The following SGCZ variants were observed in gnomAD, a reference collection of about 807,000 sequenced individuals.
The protein encoded by SGCZ is zeta-sarcoglycan.
A neutral mutation model predicts 41.3 loss-of-function variants in SGCZ; 40 were observed. The ratio of observed to expected loss-of-function variants is 0.97; its 90% CI spans 0.75 to 1.26. The LOEUF (loss-of-function observed/expected upper bound fraction) is 1.26. Ranked by LOEUF, SGCZ falls within the 50% of genes most tolerant of loss-of-function variation. SGCZ has a pLI of 0.00. For missense variants in SGCZ, 552 were observed against 369.8 expected (o/e 1.49, Z -4.04); for synonymous variants, 206 against 137.5 (o/e 1.50, Z -3.49).
intron 1 of SGCZ, among the ~76,000 whole-genome samples, chr8:14,609,294 G>A (rs559569318): frequency 2.5e-4 from 38 of 151,720 alleles, no homozygotes; most frequent in South Asian, 8.3e-4. Flanking sequence ...ATTATATAAC[G>A]TCAATGCTGG....
intron 2 of SGCZ, among the ~76,000 whole-genome samples, chr8:14,335,585 T>TA (rs1484286348): frequency 1.3e-5 from 2 of 152,150 alleles, no homozygotes; most frequent in Non-Finnish European, 2.9e-5. Flanking sequence ...CAGACAGACA[T>TA]ACCTTTAGCT....
chr8:14,889,369 A>G (rs1169350873), intron 1 of SGCZ, among the ~76,000 whole-genome samples: 2 of 152,318 alleles, frequency 1.3e-5, no homozygotes, highest in South Asian at 2.1e-4. Flanking sequence ...AATTGTGCTC[A>G]AGTAATATAC....
At chr8:15,186,279 AAAAAAAAAAAAAAAAAAAAAAG>A (rs1563172434) in intron 1 of SGCZ, among the ~76,000 whole-genome samples, 1 of 26,822 alleles carries the variant, frequency 3.7e-5, no homozygotes, top group African/African-American at 5.6e-5. Flanking sequence ...AAAAAAAAAA[AAAAAAAAAAAAAAAAAAAAAAG>A]TTAATTTCTC....
At chr8:14,141,817 T>C (rs1803379552) in intron 5 of SGCZ, among the ~76,000 whole-genome samples, 1 of 152,186 alleles carries the variant, frequency 6.6e-6, no homozygotes, top group South Asian at 2.1e-4. Flanking sequence ...CATTACTGGG[T>C]ATATACCCAA....
intron 1 of SGCZ, among the ~76,000 whole-genome samples, chr8:14,602,394 G>A (rs1333089116): frequency 6.6e-6 from 1 of 151,928 alleles, no homozygotes; most frequent in African/African-American, 2.4e-5. Context: ...GGAATTACTG[G>A]GGAGGTAATT....
intron 1 of SGCZ, among the ~76,000 whole-genome samples, chr8:14,998,639 G>A (rs1475727136): frequency 6.6e-6 from 1 of 152,176 alleles, no homozygotes; most frequent in African/African-American, 2.4e-5. Context: ...GCAAAAGCAA[G>A]AAGAGGAATT....
chr8:15,041,702 A>G (rs527981988), intron 1 of SGCZ, among the ~76,000 whole-genome samples: 1 of 145,650 alleles, frequency 6.9e-6, no homozygotes, highest in Admixed American at 6.8e-5. Context: ...GTGTGAATAC[A>G]CACATATACA....
intron 1 of SGCZ, among the ~76,000 whole-genome samples, chr8:14,982,698 ATATCACC>A (rs1337909925): frequency 1.3e-5 from 2 of 152,192 alleles, no homozygotes; most frequent in Non-Finnish European, 2.9e-5. Context: ...GTGGTCAAAT[ATATCACC>A]TTTTCCATTG....
At chr8:15,099,584 G>A (rs2131078867) in intron 1 of SGCZ, among the ~76,000 whole-genome samples, 1 of 152,176 alleles carries the variant, frequency 6.6e-6, no homozygotes, top group African/African-American at 2.4e-5. Flanking sequence ...TAATTGAAGA[G>A]GAGGAAACAC....
At chr8:14,101,418 A>C (rs1329748415) in intron 7 of SGCZ, among the ~76,000 whole-genome samples, 1 of 152,244 alleles carries the variant, frequency 6.6e-6, no homozygotes, top group African/African-American at 2.4e-5. Context: ...TGAAGAAATA[A>C]TGGGAATTTC....
chr8:14,982,921 G>T (rs1435125700), intron 1 of SGCZ, among the ~76,000 whole-genome samples: 1 of 152,112 alleles, frequency 6.6e-6, no homozygotes, highest in East Asian at 1.9e-4. Context: ...CATATACTTG[G>T]TTAAAAAGCA....
intron 1 of SGCZ, among the ~76,000 whole-genome samples, chr8:15,184,431 C>G (rs1800272292): frequency 6.6e-6 from 1 of 152,170 alleles, no homozygotes. Context: ...TTAAAAAATG[C>G]TTCCTTCTGT....
intron 4 of SGCZ, among the ~76,000 whole-genome samples, chr8:14,194,505 T>C (rs1805204157): frequency 6.6e-6 from 1 of 151,948 alleles, no homozygotes; most frequent in Non-Finnish European, 1.5e-5. Context: ...TATTCATTTA[T>C]GTTTGGGACT....
chr8:14,678,684 G>A (rs984373783), intron 1 of SGCZ, among the ~76,000 whole-genome samples: 4 of 152,062 alleles, frequency 2.6e-5, no homozygotes, highest in East Asian at 1.9e-4. Context: ...CGTGCTCCAC[G>A]GTCTTCCTCA....
chr8:14,090,195 G>T lies in SGCZ; in HGVS notation c.*248C>A. ...AGGCACCTATGTTATTCTCCCTTTC[G>T]AGCAAAAGTCATGATCCAGTTTTCC... On this transcript the variant is annotated 3_prime_UTR_variant, in exon 8 of 8. Transcript: ENST00000382080. 5.9e-6 allele frequency: 2 copies of T among 336,924 alleles called. No homozygotes were observed. The highest frequency in any genetic ancestry group is 5.4e-6 in the Non-Finnish European group (1 of 186,396). 20.9% of individuals were successfully genotyped at this position (336,924 alleles called of 1,614,324 possible).
At chr8:14,387,465 A>G (rs1271214611) in intron 2 of SGCZ, among the ~76,000 whole-genome samples, 1 of 152,324 alleles carries the variant, frequency 6.6e-6, no homozygotes, top group African/African-American at 2.4e-5. Context: ...TATATTCAGA[A>G]TCAGTTTAAA....
intron 1 of SGCZ, among the ~76,000 whole-genome samples, chr8:14,583,650 A>C (rs988270147): frequency 6.6e-6 from 1 of 152,150 alleles, no homozygotes; most frequent in Non-Finnish European, 1.5e-5. Flanking sequence ...ACTAACGTTT[A>C]AGTCTTTAAT....
At chr8:14,451,110 C>G (rs914496520) in intron 2 of SGCZ, among the ~76,000 whole-genome samples, 1 of 152,114 alleles carries the variant, frequency 6.6e-6, no homozygotes, top group African/African-American at 2.4e-5. Flanking sequence ...ATTCATCTCA[C>G]CTTACACGTT....
chr8:14,254,642 T>C (rs1203547976), intron 3 of SGCZ, among the ~76,000 whole-genome samples: 1 of 152,200 alleles, frequency 6.6e-6, no homozygotes, highest in Non-Finnish European at 1.5e-5. Context: ...ATTAAGAACA[T>C]TAACAAGATA....
Sources: gnomAD v4.1 joint callset for allele counts (sites outside exome capture counted in the v4.1 genomes callset) on GRCh38, gnomAD v4.1.1 for gene constraint, MANE v1.5 for transcripts, NCBI Gene and HGNC (gene_info 2026-07-23, HGNC 2026-07-21) for gene names.